Variants in NPAS3 observed in about 807,000 individuals in gnomAD.
NPAS3 encodes the protein neuronal PAS domain protein 3.
Under a neutral mutation model 73.1 loss-of-function variants are expected in NPAS3, and 14 were observed. That is an observed-to-expected ratio of 0.19 (90% CI 0.13 to 0.30). The LOEUF is 0.30. NPAS3 is among the 10% of genes least tolerant of loss of function. The probability of loss-of-function intolerance (pLI) is 1.00; values close to 1 mark genes in which losing one functional copy is unlikely to be tolerated. For synonymous variants in NPAS3, 620 were observed against 541.5 expected (o/e 1.14, Z -2.01); for missense variants, 1,096 against 1,250.0 (o/e 0.88, Z 1.86).
At chr14:33,244,008 T>G (rs1286448828) in intron 3 of NPAS3, among the ~76,000 whole-genome samples, 2 of 152,200 alleles carry the variant, frequency 1.3e-5, no homozygotes, top group African/African-American at 4.8e-5. Flanking sequence ...TCTAGAAGGC[T>G]TCCCAGCCCA....
intron 4 of NPAS3, among the ~76,000 whole-genome samples, chr14:33,447,647 C>T (rs1044044569): frequency 2.6e-5 from 4 of 152,060 alleles, no homozygotes; most frequent in Non-Finnish European, 4.4e-5. Context: ...GGCAAAGTGG[C>T]ACATACCTGT....
chr14:32,938,761 G>A (rs1358328599), upstream of NPAS3, among the ~76,000 whole-genome samples: 1 of 149,542 alleles, frequency 6.7e-6, no homozygotes, highest in East Asian at 2.0e-4. Flanking sequence ...GGCGGGTGGC[G>A]GCGCGGGGGT....
chr14:33,137,189 A>C (rs998082491), intron 2 of NPAS3, among the ~76,000 whole-genome samples: 2 of 152,210 alleles, frequency 1.3e-5, no homozygotes, highest in African/African-American at 4.8e-5. Context: ...AATAAGAAAC[A>C]TAATTGAATT....
At chr14:33,023,381 A>T (rs1358592342) in intron 1 of NPAS3, among the ~76,000 whole-genome samples, 3 of 152,114 alleles carry the variant, frequency 2.0e-5, no homozygotes, top group Admixed American at 1.3e-4. Flanking sequence ...ATTTTTTTTC[A>T]TTGGAAGGTG....
intron 2 of NPAS3, among the ~76,000 whole-genome samples, chr14:33,132,296 G>T (rs146171045): frequency 6.6e-6 from 1 of 152,244 alleles, no homozygotes; most frequent in South Asian, 2.1e-4. Context: ...TTCTAGCTTG[G>T]GCTTCTGAGT....
intron 1 of NPAS3, among the ~76,000 whole-genome samples, chr14:33,051,296 A>AAAAAAAAAAG (rs771840433): frequency 4.9e-5 from 7 of 142,528 alleles, no homozygotes; most frequent in Admixed American, 1.4e-4. Flanking sequence ...AAAAAAAAAA[A>AAAAAAAAAAG]AGAGAGACTA....
chr14:33,148,384 T>C (rs957042106), intron 2 of NPAS3, among the ~76,000 whole-genome samples: 33 of 152,200 alleles, frequency 2.2e-4, no homozygotes, highest in African/African-American at 7.7e-4. Flanking sequence ...TGTTTTGTTG[T>C]ATCAGTAATA....
At chr14:33,661,261 G>C (rs977242402) in intron 5 of NPAS3, among the ~76,000 whole-genome samples, 6 of 152,086 alleles carry the variant, frequency 3.9e-5, no homozygotes, top group Admixed American at 3.3e-4. Flanking sequence ...TAAAGTCTTT[G>C]TCTGGGTTTT....
At chr14:33,319,785 G>A (rs891535454) in intron 3 of NPAS3, among the ~76,000 whole-genome samples, 6 of 152,160 alleles carry the variant, frequency 3.9e-5, no homozygotes, top group African/African-American at 1.4e-4. Context: ...CCAAGGTTGA[G>A]AAACCTCACA....
intron 4 of NPAS3, among the ~76,000 whole-genome samples, chr14:33,496,873 G>A (rs768018612): frequency 9.2e-5 from 14 of 152,002 alleles, no homozygotes; most frequent in Non-Finnish European, 1.8e-4. Flanking sequence ...GAGAAAGAAA[G>A]AAAGTTTATT....
At chr14:33,111,241 C>T (rs950928035) in intron 2 of NPAS3, among the ~76,000 whole-genome samples, 2 of 152,174 alleles carry the variant, frequency 1.3e-5, no homozygotes, top group African/African-American at 2.4e-5. Flanking sequence ...CTTTGAATGT[C>T]CCCCTACAGC....
At chr14:33,327,424 A>G (rs1284005914) in intron 3 of NPAS3, among the ~76,000 whole-genome samples, 1 of 152,228 alleles carries the variant, frequency 6.6e-6, no homozygotes, top group Non-Finnish European at 1.5e-5. Context: ...AATACAAATT[A>G]CTTAAATACA....
intron 4 of NPAS3, among the ~76,000 whole-genome samples, chr14:33,505,529 G>A (rs186807848): frequency 2.0e-4 from 30 of 152,022 alleles, no homozygotes; most frequent in Non-Finnish European, 3.4e-4. Context: ...TATCCCTCAG[G>A]AGCCCATCTG....
chr14:33,395,455 G>T (rs1018086956), intron 4 of NPAS3, among the ~76,000 whole-genome samples: 4 of 150,986 alleles, frequency 2.6e-5, no homozygotes, highest in Admixed American at 2.0e-4. Flanking sequence ...TCACCACTTG[G>T]GATACATTTG....
At chr14:33,339,708 T>C (rs1360655204) in intron 3 of NPAS3, among the ~76,000 whole-genome samples, 1 of 152,006 alleles carries the variant, frequency 6.6e-6, no homozygotes, top group East Asian at 1.9e-4. Context: ...AGCATGACAG[T>C]TGAGGTCTAA....
intron 2 of NPAS3, among the ~76,000 whole-genome samples, chr14:33,062,301 GAAAA>G (rs34914631): frequency 1.4e-5 from 2 of 146,596 alleles, no homozygotes; most frequent in African/African-American, 5.0e-5. Context: ...AAAAAAAAAA[GAAAA>G]AAAAAAAGAA....
chr14:33,305,107 A>C (rs972033528), intron 3 of NPAS3, among the ~76,000 whole-genome samples: 16 of 152,212 alleles, frequency 1.1e-4, no homozygotes, highest in African/African-American at 3.4e-4. Flanking sequence ...TGTGATAAGG[A>C]GGTGTATGTT....
intron 2 of NPAS3, among the ~76,000 whole-genome samples, chr14:33,147,538 G>A (rs61972661): frequency 2.0e-5 from 3 of 150,478 alleles, no homozygotes; most frequent in Admixed American, 6.6e-5. Flanking sequence ...GATTAGTGCC[G>A]CACTTGGACA....
chr14:33,409,876 A>T (rs1357256144), intron 4 of NPAS3, among the ~76,000 whole-genome samples: 1 of 152,208 alleles, frequency 6.6e-6, no homozygotes, highest in Non-Finnish European at 1.5e-5. Flanking sequence ...GACAGGAGAC[A>T]TCTAAAATAA....
Sources: allele counts gnomAD v4.1 joint callset (sites outside exome capture counted in the v4.1 genomes callset), GRCh38; gene constraint gnomAD v4.1.1; transcripts MANE v1.5; gene names NCBI Gene and HGNC (gene_info 2026-07-23, HGNC 2026-07-21).